The following CSMD3 variants were observed in gnomAD, a reference collection of about 807,000 sequenced individuals.
The protein encoded by CSMD3 is CUB and sushi domain-containing protein 3.
In CSMD3, 177 loss-of-function variants were observed where a neutral mutation model predicts 435.2. The observed-to-expected ratio is 0.41, with a 90% CI of 0.36 to 0.46. The LOEUF (loss-of-function observed/expected upper bound fraction) is 0.46. CSMD3 is among the 20% of genes least tolerant of loss of function. The pLI is 0.34. For missense variants in CSMD3, 4,265 were observed against 4,504.6 expected (o/e 0.95, Z 1.52); for synonymous variants, 1,656 against 1,520.5 (o/e 1.09, Z -2.07).
chr8:112,636,854 GCCA>G lies in CSMD3; in HGVS notation c.3675_3677del (p.Gly1226del). On this transcript the variant is annotated inframe_deletion, in exon 22 of 71. Coordinates refer to ENST00000297405, the MANE Select transcript of CSMD3 (RefSeq NM_198123.2). The stretch of plus-strand genomic sequence containing the variant: ...GCAGAGGTGCACTCCACACTCGTCG[GCCA>G]CCACCAAGACAGATGATCTCTGATG... 6.2e-7 allele frequency: 1 copy of G among 1,613,270 alleles called. No homozygotes were observed. Among genetic ancestry groups the G allele is most frequent in the Non-Finnish European group, 8.5e-7 (1 of 1,179,656 alleles).
At chr8:112,237,017 A>G (rs1813651511) in intron 67 of CSMD3, among the ~76,000 whole-genome samples, 173 bp downstream of exon 67, 1 of 152,192 alleles carries the variant, frequency 6.6e-6, no homozygotes, top group Non-Finnish European at 1.5e-5. Flanking sequence ...AGTAATATTC[A>G]TTCATCAATC....
chr8:112,284,070 G>A (rs1468783189), intron 58 of CSMD3, among the ~76,000 whole-genome samples: 1 of 151,690 alleles, frequency 6.6e-6, no homozygotes, highest in East Asian at 1.9e-4. Flanking sequence ...TAACTTGTTT[G>A]AAATATATTG....
At chr8:112,540,715 G>T (rs1299890385) in intron 27 of CSMD3, among the ~76,000 whole-genome samples, 1 of 151,798 alleles carries the variant, frequency 6.6e-6, no homozygotes, top group Non-Finnish European at 1.5e-5. Flanking sequence ...CTTATATATG[G>T]GGGCTAACAA....
intron 1 of CSMD3, among the ~76,000 whole-genome samples, chr8:113,423,882 G>A (rs1457508130): frequency 6.6e-6 from 1 of 151,642 alleles, no homozygotes; most frequent in Non-Finnish European, 1.5e-5. Flanking sequence ...AATTATCAAA[G>A]CAGAAAAAAT....
intron 1 of CSMD3, among the ~76,000 whole-genome samples, chr8:113,339,087 A>G (rs1209412036): frequency 6.6e-6 from 1 of 151,992 alleles, no homozygotes; most frequent in Non-Finnish European, 1.5e-5. Flanking sequence ...ATTATGCCTC[A>G]GATTCTTTAT....
At chr8:112,315,379 G>A (rs749156886) in intron 47 of CSMD3, among the ~76,000 whole-genome samples, 4 of 151,816 alleles carry the variant, frequency 2.6e-5, no homozygotes, top group African/African-American at 4.8e-5. Context: ...TTCTGTATCA[G>A]ACCAAAATTA....
chr8:112,905,696 G>A (rs1721845554), intron 10 of CSMD3, among the ~76,000 whole-genome samples: 2 of 151,240 alleles, frequency 1.3e-5, no homozygotes, highest in African/African-American at 2.4e-5. Context: ...CCGATACTTG[G>A]TCCTATCCCT....
chr8:112,644,682 AC>A lies in CSMD3; in HGVS notation c.3310+426del, dbSNP rs74595286. On this transcript the variant is annotated intron_variant, in intron 20 of 70. Coordinates refer to ENST00000297405, the MANE Select transcript of CSMD3 (RefSeq NM_198123.2). The stretch of plus-strand genomic sequence containing the variant: ...AATTTATATAGAGAATATAATTGTT[AC>A]AAACAATTATAAACAAGTATATATA... 3.7e-4 allele frequency among the ~76,000 whole-genome samples: 57 copies of A among 152,202 alleles called. No homozygotes were observed. The East Asian group carries it at 0.011, about 29-fold the overall frequency.
At chr8:112,619,750 C>A (rs944098805) in intron 22 of CSMD3, among the ~76,000 whole-genome samples, 1 of 152,032 alleles carries the variant, frequency 6.6e-6, no homozygotes, top group Admixed American at 6.6e-5. Flanking sequence ...TAATCAATTT[C>A]TCTTGCTCAC....
chr8:112,719,579 C>T (rs2076812130), intron 13 of CSMD3, among the ~76,000 whole-genome samples: 1 of 152,078 alleles, frequency 6.6e-6, no homozygotes, highest in Non-Finnish European at 1.5e-5. Flanking sequence ...CACGTCTCTT[C>T]TTAGAAGGGC....
intron 7 of CSMD3, among the ~76,000 whole-genome samples, chr8:112,971,562 A>T (rs577303046): frequency 1.3e-5 from 2 of 152,338 alleles, no homozygotes; most frequent in South Asian, 4.1e-4. Context: ...TACAAAAACT[A>T]CTTTGCAAAT....
chr8:113,138,230 C>T (rs2131717178), intron 4 of CSMD3, among the ~76,000 whole-genome samples: 1 of 151,460 alleles, frequency 6.6e-6, no homozygotes, highest in Admixed American at 6.6e-5. Context: ...AGTATGTCAT[C>T]CATAATTGTG....
intron 4 of CSMD3, among the ~76,000 whole-genome samples, chr8:113,149,890 G>T (rs1050729199): frequency 6.6e-6 from 1 of 151,794 alleles, no homozygotes; most frequent in African/African-American, 2.4e-5. Flanking sequence ...GATTGGGTCA[G>T]AATTCATTAG....
At chr8:112,660,685 G>A (rs59285637) in intron 17 of CSMD3, among the ~76,000 whole-genome samples, 1 of 152,136 alleles carries the variant, frequency 6.6e-6, no homozygotes, top group Non-Finnish European at 1.5e-5. Flanking sequence ...ACATTTGGAA[G>A]AATTTGGGAC....
At chr8:113,014,810 G>A (rs1179929585) in intron 6 of CSMD3, among the ~76,000 whole-genome samples, 1 of 152,112 alleles carries the variant, frequency 6.6e-6, no homozygotes, top group Non-Finnish European at 1.5e-5. Flanking sequence ...CTGTATGTGT[G>A]TGTGCACACG....
chr8:112,410,614 A>G (rs76022247), intron 32 of CSMD3, among the ~76,000 whole-genome samples: 782 of 30,912 alleles, frequency 0.025, 18 homozygotes, highest in African/African-American at 0.11. Context: ...GTATATATAT[A>G]TGTATATATA....
At chr8:113,069,087 A>G (rs1183654087) in intron 5 of CSMD3, among the ~76,000 whole-genome samples, 1 of 152,094 alleles carries the variant, frequency 6.6e-6, no homozygotes, top group Non-Finnish European at 1.5e-5. Flanking sequence ...TTTCTGATAT[A>G]TATGAACTTC....
chr8:113,006,734 T>C (rs961255012), intron 6 of CSMD3, among the ~76,000 whole-genome samples: 1 of 151,828 alleles, frequency 6.6e-6, no homozygotes, highest in African/African-American at 2.4e-5. Flanking sequence ...TTGGGGTCTA[T>C]CCAACCAGGC....
chr8:112,831,928 T>A (rs2079887145), intron 11 of CSMD3, among the ~76,000 whole-genome samples: 1 of 152,176 alleles, frequency 6.6e-6, no homozygotes. Context: ...TCTGGCTCAC[T>A]AGTTGAGATC....
Sources: allele counts gnomAD v4.1 joint callset (sites outside exome capture counted in the v4.1 genomes callset), GRCh38; gene constraint gnomAD v4.1.1; transcripts MANE v1.5; gene names NCBI Gene and HGNC (gene_info 2026-07-23, HGNC 2026-07-21).